DCC: variants seen among roughly 807,000 people sequenced by gnomAD.
DCC encodes netrin receptor DCC.
In DCC, 58 loss-of-function variants were observed where a neutral mutation model predicts 172.5. That is an observed-to-expected ratio of 0.34 (90% confidence interval 0.27 to 0.42). The LOEUF is 0.42. Ranked by LOEUF, DCC falls within the 10% of genes least tolerant of loss-of-function variation. The pLI is 1.00. For synonymous variants in DCC, 709 were observed against 644.5 expected, an observed-to-expected ratio of 1.10 and a Z score of -1.52; for missense variants, 1,740 against 1,791.0, an observed-to-expected ratio of 0.97 and a Z score of 0.51.
At chr18:52,952,230 A>G (rs1353417287) in intron 5 of DCC, among the ~76,000 whole-genome samples, 1 of 151,962 alleles carries the variant, frequency 6.6e-6, no homozygotes, top group Admixed American at 6.6e-5. Context: ...TTTTCTGAAT[A>G]TTTTCTCAAG....
intron 12 of DCC, among the ~76,000 whole-genome samples, chr18:53,294,594 C>A (rs972241265): frequency 6.6e-6 from 1 of 152,184 alleles, no homozygotes; most frequent in Non-Finnish European, 1.5e-5. Flanking sequence ...ACAGTCATCG[C>A]TGGAGGACTC....
intron 1 of DCC, among the ~76,000 whole-genome samples, chr18:52,632,895 A>T (rs1173468123): frequency 6.6e-6 from 1 of 152,224 alleles, no homozygotes; most frequent in East Asian, 1.9e-4. Context: ...TTTAACTGAG[A>T]TGAATTTCAA....
chr18:52,851,427 T>A (rs531591008), intron 2 of DCC, among the ~76,000 whole-genome samples: 1 of 152,236 alleles, frequency 6.6e-6, no homozygotes, highest in South Asian at 2.1e-4. Flanking sequence ...ACTTGAGGCA[T>A]CACATGAAAA....
At chr18:52,794,503 A>C (rs1055842300) in intron 2 of DCC, among the ~76,000 whole-genome samples, 1 of 152,030 alleles carries the variant, frequency 6.6e-6, no homozygotes, top group Non-Finnish European at 1.5e-5. Context: ...TGTATATTAC[A>C]AGTTTACTGA....
intron 1 of DCC, among the ~76,000 whole-genome samples, chr18:52,590,168 T>C (rs1453657801): frequency 6.6e-6 from 1 of 152,028 alleles, no homozygotes; most frequent in Admixed American, 6.6e-5. Flanking sequence ...GGTGTGTGTG[T>C]GTGTGTGTGT....
chr18:53,289,693 G>GT (rs1045800735), intron 12 of DCC, among the ~76,000 whole-genome samples: 4 of 152,066 alleles, frequency 2.6e-5, no homozygotes, highest in Admixed American at 1.3e-4. Context: ...CAAAAAGAGT[G>GT]TTTTTTTATT....
intron 5 of DCC, among the ~76,000 whole-genome samples, chr18:52,990,861 G>C (rs1305047765): frequency 6.6e-6 from 1 of 152,180 alleles, no homozygotes; most frequent in African/African-American, 2.4e-5. Flanking sequence ...AGAAATAATA[G>C]TAGGTTTAAC....
chr18:52,938,553 C>T, intron 5 of DCC, among the ~76,000 whole-genome samples: 1 of 151,896 alleles, frequency 6.6e-6, no homozygotes, highest in East Asian at 1.9e-4. Context: ...TATACCTTGC[C>T]AAATACTAAG....
intron 1 of DCC, among the ~76,000 whole-genome samples, chr18:52,488,151 T>C (rs951310175): frequency 1.3e-5 from 2 of 152,156 alleles, no homozygotes; most frequent in Non-Finnish European, 2.9e-5. Context: ...TATTCTTGGT[T>C]GGTTCGTTCC....
intron 2 of DCC, among the ~76,000 whole-genome samples, chr18:52,888,141 G>C (rs956238942): frequency 3.9e-5 from 6 of 152,170 alleles, no homozygotes; most frequent in Non-Finnish European, 7.4e-5. Context: ...CACTGAGCAT[G>C]CCCTCCCCTG....
At chr18:53,199,095 A>C (rs1351642092) in intron 9 of DCC, among the ~76,000 whole-genome samples, 1 of 128,340 alleles carries the variant, frequency 7.8e-6, no homozygotes, top group African/African-American at 3.0e-5. Flanking sequence ...TTTTTTTTTG[A>C]GATGGAGTCT....
At chr18:52,699,446 G>A (rs113697519) in intron 1 of DCC, among the ~76,000 whole-genome samples, 27 of 152,338 alleles carry the variant, frequency 1.8e-4, no homozygotes, top group African/African-American at 6.3e-4. Flanking sequence ...AGCAATAAAA[G>A]TCAGATGGTG....
At chr18:53,506,020 C>A (rs913776688) in intron 27 of DCC, among the ~76,000 whole-genome samples, 1 of 152,128 alleles carries the variant, frequency 6.6e-6, no homozygotes, top group Admixed American at 6.5e-5. Flanking sequence ...TTATAGTTTA[C>A]AGAGGACATT....
intron 12 of DCC, among the ~76,000 whole-genome samples, chr18:53,294,700 C>A (rs772690028): frequency 2.6e-5 from 4 of 152,156 alleles, no homozygotes; most frequent in Admixed American, 6.5e-5. Context: ...AATACTGTTA[C>A]AAGAGCTGGG....
At chr18:53,219,688 C>T (rs758964112) in intron 12 of DCC, among the ~76,000 whole-genome samples, 21 of 152,126 alleles carry the variant, frequency 1.4e-4, no homozygotes, top group Middle Eastern at 3.4e-3. Context: ...TCAAAGCAAC[C>T]GAAGAAAAAG....
intron 19 of DCC, among the ~76,000 whole-genome samples, chr18:53,410,116 A>C (rs145093269): frequency 1.3e-5 from 2 of 152,330 alleles, no homozygotes; most frequent in African/African-American, 4.8e-5. Flanking sequence ...AAAATTATAC[A>C]GACTTGTTAT....
chr18:52,561,308 G>T, intron 1 of DCC, among the ~76,000 whole-genome samples: 1 of 150,882 alleles, frequency 6.6e-6, no homozygotes, highest in African/African-American at 2.4e-5. Context: ...GTGTATATAG[G>T]CAGAGATCAA....
At chr18:52,889,603 G>A (rs115506046) in intron 2 of DCC, among the ~76,000 whole-genome samples, 2,621 of 152,256 alleles carry the variant, frequency 0.017, 55 homozygotes, top group African/African-American at 0.046. Flanking sequence ...TTCAGAAACA[G>A]AAGTCACTTT....
chr18:52,407,911 T>C (rs572798655), intron 1 of DCC, among the ~76,000 whole-genome samples: 2 of 152,200 alleles, frequency 1.3e-5, no homozygotes, highest in South Asian at 4.1e-4. Context: ...AAAATTCCTT[T>C]AGTTATTTTG....
Sources: gnomAD v4.1 joint callset for allele counts (sites outside exome capture counted in the v4.1 genomes callset) on GRCh38, gnomAD v4.1.1 for gene constraint, MANE v1.5 for transcripts, NCBI Gene and HGNC (gene_info 2026-07-23, HGNC 2026-07-21) for gene names.